Variants in STX6 observed in about 807,000 individuals in gnomAD.
STX6 encodes the protein syntaxin-6.
STX6 carries 23 observed loss-of-function variants against 38.0 expected under a neutral mutation model. The ratio of observed to expected loss-of-function variants is 0.60; its 90% CI spans 0.43 to 0.86. The LOEUF (loss-of-function observed/expected upper bound fraction) is 0.86, where lower values mean the gene tolerates loss of function less well. STX6 is among the 40% of genes least tolerant of loss of function. The pLI, the probability that STX6 is intolerant of heterozygous loss-of-function variation, is 0.00. For synonymous variants in STX6, 123 were observed against 107.5 expected, an observed-to-expected ratio of 1.14 and a Z score of -0.89; for missense variants, 274 against 312.9, an observed-to-expected ratio of 0.88 and a Z score of 0.94.
chr1:180,997,591 T>C (rs1655949723), intron 3 of STX6, among the ~76,000 whole-genome samples: 2 of 152,222 alleles, frequency 1.3e-5, no homozygotes, highest in African/African-American at 2.4e-5. Flanking sequence ...ATCTCTTATA[T>C]TGACTACATA....
chr1:180,987,919 A>G, intron 6 of STX6: 1 of 190,960 alleles, frequency 5.2e-6, no homozygotes, highest in Non-Finnish European at 1.1e-5. Flanking sequence ...CTGGAACAAA[A>G]ATTCCCACAG....
chr1:181,022,568 GA>G, intron 1 of STX6, 70 bp downstream of exon 1: 2 of 1,514,224 alleles, frequency 1.3e-6, no homozygotes, highest in Non-Finnish European at 1.8e-6. Flanking sequence ...CCCACTGCGA[GA>G]AGACCTAGGA....
At chr1:181,015,850 G>T (rs1656539964) in intron 1 of STX6, among the ~76,000 whole-genome samples, 1 of 152,042 alleles carries the variant, frequency 6.6e-6, no homozygotes, top group Non-Finnish European at 1.5e-5. Flanking sequence ...TGGTAGAGAT[G>T]GGGTTTCACC....
intron 3 of STX6, among the ~76,000 whole-genome samples, chr1:181,001,366 G>C (rs1366111003): frequency 1.3e-5 from 2 of 152,050 alleles, no homozygotes; most frequent in African/African-American, 4.8e-5. Context: ...CTAATCAAAT[G>C]GCTTAGCCAT....
chr1:181,021,588 T>C (rs1433487994), intron 1 of STX6, among the ~76,000 whole-genome samples: 1 of 152,234 alleles, frequency 6.6e-6, no homozygotes, highest in Non-Finnish European at 1.5e-5. Context: ...TGATCAGTAC[T>C]GACCTGGGAA....
chr1:181,022,563 T>G, intron 1 of STX6, 76 bp downstream of exon 1: 3 of 1,472,288 alleles, frequency 2.0e-6, no homozygotes, highest in Non-Finnish European at 2.8e-6. Context: ...CTCCCCCCAC[T>G]GCGAGAAGAC....
intron 7 of STX6, among the ~76,000 whole-genome samples, chr1:180,978,483 G>A (rs1258815435): frequency 2.0e-5 from 3 of 152,194 alleles, no homozygotes; most frequent in Admixed American, 1.3e-4. Flanking sequence ...GGACCCAGGC[G>A]AAGGGGACCC....
intron 3 of STX6, among the ~76,000 whole-genome samples, chr1:180,996,735 T>C (rs1014787980): frequency 6.6e-6 from 1 of 152,086 alleles, no homozygotes; most frequent in African/African-American, 2.4e-5. Flanking sequence ...ACCATGCCTA[T>C]TTATTTTTTA....
intron 6 of STX6, 50 bp downstream of exon 6, chr1:180,988,189 G>T: frequency 7.3e-7 from 1 of 1,376,084 alleles, no homozygotes; most frequent in Non-Finnish European, 1.0e-6. Context: ...GTCATAGGAT[G>T]GCTCTGCCCC....
chr1:181,021,793 C>G (rs985573058), intron 1 of STX6, among the ~76,000 whole-genome samples: 1 of 152,194 alleles, frequency 6.6e-6, no homozygotes, highest in African/African-American at 2.4e-5. Flanking sequence ...GCTAGGATAG[C>G]TTGTAAGGGA....
intron 3 of STX6, among the ~76,000 whole-genome samples, chr1:180,996,200 CAA>C (rs890282480): frequency 6.6e-6 from 1 of 150,890 alleles, no homozygotes; most frequent in African/African-American, 2.4e-5. Context: ...AAAATAGATA[CAA>C]AAAAAGACAT....
Position 181,005,405 on chromosome 1 carries a change from G to A in STX6, c.94C>T (p.Leu32Phe). The change falls in exon 2 of 8, where the codon CTC becomes TTC. Residue 32 changes from leucine (L) to phenylalanine (F), a missense_variant. By Grantham distance (22) the Leu-to-Phe change is conservative. Transcript: ENST00000258301. ...QGLFQRWTEL[L>F]QDPSTATREE... The stretch of plus-strand genomic sequence containing the variant: ...CTTGTTGCTGTGGAGGGGTCCTGGA[G>A]GAGCTCTGTCCATCTCTGAAACAAT... The A allele has an allele frequency of 6.2e-7, 1 of 1,614,108 alleles. No homozygotes were observed. Among genetic ancestry groups the A allele is most frequent in the Non-Finnish European group, 8.5e-7 (1 of 1,179,996 alleles).
At chr1:180,978,062 A>T (rs1258184700) in intron 7 of STX6, among the ~76,000 whole-genome samples, 1 of 152,232 alleles carries the variant, frequency 6.6e-6, no homozygotes, top group East Asian at 1.9e-4. Flanking sequence ...ACTGCAGGTC[A>T]CACTTTGACC....
At chr1:180,981,535 AAC>A (rs1655416574) in intron 7 of STX6, among the ~76,000 whole-genome samples, 1 of 152,086 alleles carries the variant, frequency 6.6e-6, no homozygotes, top group Non-Finnish European at 1.5e-5. Flanking sequence ...CCAGATTTCC[AAC>A]ACTGAACCAG....
intron 6 of STX6, among the ~76,000 whole-genome samples, chr1:180,986,655 C>G (rs1351810864): frequency 1.3e-5 from 2 of 152,210 alleles, no homozygotes; most frequent in Non-Finnish European, 2.9e-5. Context: ...ACAATCCTCC[C>G]ACCTCAGCCT....
In STX6 at chr1:180,993,430, TGAGA is replaced by T. The variant is rs768996482; in HGVS notation, c.301-9_301-6del. On this transcript the variant is annotated splice_region_variant and splice_polypyrimidine_tract_variant and intron_variant, in intron 3 of 7. Coordinates refer to ENST00000258301, the MANE Select transcript of STX6 (RefSeq NM_005819.6). The stretch of plus-strand genomic sequence containing the variant: ...TGACATCTGATCTTTCATGTCCTAA[TGAGA>T]AAGAAGATACGAAAACAAATGAAAA... The T allele has an allele frequency of 1.3e-5, 21 of 1,573,052 alleles. No individual in the cohort carries two copies. The highest frequency in any genetic ancestry group is 1.7e-5 in the Non-Finnish European group (20 of 1,147,306).
At chr1:180,996,731 C>A (rs960025816) in intron 3 of STX6, among the ~76,000 whole-genome samples, 8 of 152,030 alleles carry the variant, frequency 5.3e-5, no homozygotes, top group Non-Finnish European at 1.0e-4. Context: ...TGCCACCATG[C>A]CTATTTATTT....
At chr1:181,019,600 T>C (rs1656668233) in intron 1 of STX6, among the ~76,000 whole-genome samples, 1 of 152,036 alleles carries the variant, frequency 6.6e-6, no homozygotes, top group African/African-American at 2.4e-5. Context: ...GTACTAAGGC[T>C]AAGGGAGAGC....
chr1:180,974,278 T>A lies in STX6; in HGVS notation c.*2292A>T, dbSNP rs959067036. The A allele has an allele frequency of 2.6e-5, 4 of 152,194 alleles. No individual in the cohort carries two copies. The highest frequency in any genetic ancestry group is 4.8e-5 in the African/African-American group (2 of 41,434). 9.4% of individuals were successfully genotyped at this position (152,194 alleles called of 1,614,324 possible). A position where few individuals can be genotyped will look rare whatever the true frequency, so the allele number is the denominator to read the frequency against. ...CAGAAGGGCATGGTGGCCCTACGGG[T>A]AGAATGCACTGTATTGTTAGTTAAC... On this transcript the variant is annotated 3_prime_UTR_variant, in exon 8 of 8. Transcript: ENST00000258301.
Sources: gnomAD v4.1 joint callset for allele counts (sites outside exome capture counted in the v4.1 genomes callset) on GRCh38, gnomAD v4.1.1 for gene constraint, MANE v1.5 for transcripts, NCBI Gene and HGNC (gene_info 2026-07-23, HGNC 2026-07-21) for gene names.